The following ERC2 variants were observed in gnomAD, a reference collection of about 807,000 sequenced individuals.
ERC2 encodes the protein ERC protein 2.
ERC2 carries 42 observed loss-of-function variants against 114.8 expected under a neutral mutation model. That is an observed-to-expected ratio of 0.37 (90% CI 0.29 to 0.47). The LOEUF is 0.47. Among genes scored for constraint, ERC2 ranks in the 20% least tolerant of loss-of-function variants. The pLI is 0.99. For missense variants in ERC2, 939 were observed against 1,150.7 expected, an observed-to-expected ratio of 0.82 and a Z score of 2.66; for synonymous variants, 454 against 425.5, an observed-to-expected ratio of 1.07 and a Z score of -0.82.
chr3:55,695,573 C>T (rs1307151051), intron 16 of ERC2, among the ~76,000 whole-genome samples: 2 of 152,152 alleles, frequency 1.3e-5, no homozygotes, highest in East Asian at 3.9e-4. Flanking sequence ...ACCTTAATGA[C>T]TCCCTTAGTT....
At chr3:55,662,993 A>G (rs1007406897) in intron 17 of ERC2, among the ~76,000 whole-genome samples, 14 of 152,166 alleles carry the variant, frequency 9.2e-5, no homozygotes, top group Non-Finnish European at 1.3e-4. Context: ...CTCAATAAAT[A>G]CTTGAATAAT....
At chr3:55,799,176 A>G (rs2070771284) in intron 14 of ERC2, among the ~76,000 whole-genome samples, 1 of 151,930 alleles carries the variant, frequency 6.6e-6, no homozygotes, top group South Asian at 2.1e-4. Flanking sequence ...GGCTCAATGT[A>G]TAAAGTGCTA....
At chr3:56,094,445 A>G (rs2077950993) in intron 6 of ERC2, among the ~76,000 whole-genome samples, 1 of 152,176 alleles carries the variant, frequency 6.6e-6, no homozygotes. Context: ...TTCTGGTCCA[A>G]AACATACCCC....
intron 3 of ERC2, among the ~76,000 whole-genome samples, chr3:56,194,360 C>T (rs1330638814): frequency 2.0e-5 from 3 of 152,094 alleles, no homozygotes; most frequent in Non-Finnish European, 4.4e-5. Context: ...CTAGATTATG[C>T]GGCGAGGCCC....
chr3:55,917,196 G>T (rs2065148613), intron 13 of ERC2, among the ~76,000 whole-genome samples: 1 of 152,012 alleles, frequency 6.6e-6, no homozygotes, highest in South Asian at 2.1e-4. Flanking sequence ...AAACCCACTG[G>T]CTTCTAGTAA....
chr3:55,975,402 T>A (rs2069504358), intron 12 of ERC2, among the ~76,000 whole-genome samples: 1 of 152,194 alleles, frequency 6.6e-6, no homozygotes, highest in South Asian at 2.1e-4. Context: ...TTCTTCCTGC[T>A]CTCTTAGTAG....
chr3:55,939,831 G>C (rs2066670124), intron 13 of ERC2, among the ~76,000 whole-genome samples: 1 of 152,192 alleles, frequency 6.6e-6, no homozygotes, highest in African/African-American at 2.4e-5. Flanking sequence ...GCTCAATTCT[G>C]AGAAGTTCCT....
chr3:55,845,850 A>G (rs2061341771), intron 14 of ERC2, among the ~76,000 whole-genome samples: 1 of 152,262 alleles, frequency 6.6e-6, no homozygotes, highest in African/African-American at 2.4e-5. Context: ...GGTTGTGCAA[A>G]TAGAGCAAGC....
chr3:56,086,232 T>C (rs888849893), intron 6 of ERC2, among the ~76,000 whole-genome samples: 10 of 152,058 alleles, frequency 6.6e-5, no homozygotes, highest in Admixed American at 3.9e-4. Flanking sequence ...CCAGAAGAGA[T>C]AAAAAACAAC....
chr3:55,895,971 C>A (rs549690060), intron 13 of ERC2, among the ~76,000 whole-genome samples: 4 of 152,200 alleles, frequency 2.6e-5, no homozygotes, highest in Admixed American at 6.5e-5. Flanking sequence ...GCCACCCCAG[C>A]AGCCGCCTGG....
At chr3:56,391,563 C>T (rs980024871) in intron 2 of ERC2, among the ~76,000 whole-genome samples, 2 of 152,110 alleles carry the variant, frequency 1.3e-5, no homozygotes, top group African/African-American at 2.4e-5. Context: ...GTCATGTCTA[C>T]GTTTAAGATG....
chr3:55,586,235 G>C (rs1012192658), intron 17 of ERC2, among the ~76,000 whole-genome samples: 2 of 152,130 alleles, frequency 1.3e-5, no homozygotes, highest in Non-Finnish European at 2.9e-5. Flanking sequence ...GGTGGCCCTC[G>C]GACTGTGAGT....
intron 7 of ERC2, among the ~76,000 whole-genome samples, chr3:56,032,913 A>AAGAGAGAGAGAGAGACAGAC (rs1560056254): frequency 1.5e-5 from 1 of 68,638 alleles, no homozygotes; most frequent in Non-Finnish European, 3.3e-5. Context: ...GAAAGAAAGA[A>AAGAGAGAGAGAGAGACAGAC]AGAAAGAAAG....
intron 15 of ERC2, among the ~76,000 whole-genome samples, chr3:55,701,198 A>G (rs864623): frequency 2.0e-5 from 3 of 152,114 alleles, no homozygotes; most frequent in African/African-American, 4.8e-5. Flanking sequence ...TTCACATACA[A>G]TCTAACTTAT....
chr3:55,574,141 G>C (rs2056858681), intron 17 of ERC2, among the ~76,000 whole-genome samples: 1 of 152,166 alleles, frequency 6.6e-6, no homozygotes, highest in Admixed American at 6.5e-5. Context: ...CCTGGATTAG[G>C]TCTGGTTATT....
At chr3:56,011,756 C>A (rs1560020719) in intron 8 of ERC2, among the ~76,000 whole-genome samples, 1 of 152,108 alleles carries the variant, frequency 6.6e-6, no homozygotes, top group Admixed American at 6.6e-5. Context: ...ACTGGTGCAA[C>A]AACTGTGGCC....
chr3:55,920,449 C>CT (rs1576198924), intron 13 of ERC2, among the ~76,000 whole-genome samples: 1 of 150,712 alleles, frequency 6.6e-6, no homozygotes, highest in Non-Finnish European at 1.5e-5. Context: ...CACACACACC[C>CT]CAAGTGAGAA....
intron 16 of ERC2, among the ~76,000 whole-genome samples, chr3:55,686,436 G>A (rs867736089): frequency 2.0e-5 from 3 of 152,108 alleles, no homozygotes; most frequent in Admixed American, 6.6e-5. Flanking sequence ...GACCCTCATC[G>A]CCAAATGATC....
intron 7 of ERC2, among the ~76,000 whole-genome samples, chr3:56,075,209 T>G (rs758287196): frequency 6.6e-6 from 1 of 152,108 alleles, no homozygotes. Context: ...CAGACTCTTA[T>G]AAAGGCAGGG....
Sources: allele counts gnomAD v4.1 joint callset (sites outside exome capture counted in the v4.1 genomes callset), GRCh38; gene constraint gnomAD v4.1.1; transcripts MANE v1.5; gene names NCBI Gene and HGNC (gene_info 2026-07-23, HGNC 2026-07-21).